TENM1: variants seen among roughly 807,000 people sequenced by gnomAD.
TENM1 encodes the protein teneurin transmembrane protein 1.
TENM1 carries 35 observed loss-of-function variants against 174.8 expected under a neutral mutation model. That is an observed-to-expected ratio of 0.20 (90% CI 0.15 to 0.27). The LOEUF (loss-of-function observed/expected upper bound fraction) is 0.27, where lower values mean the gene tolerates loss of function less well. Ranked by LOEUF, TENM1 falls within the 10% of genes least tolerant of loss-of-function variation. The pLI is 1.00. For missense variants in TENM1, 1,633 were observed against 2,130.1 expected (o/e 0.77, Z 4.59); for synonymous variants, 781 against 798.7 (o/e 0.98, Z 0.37).
the TENM1 span, among the ~76,000 whole-genome samples, chrX:125,038,031 C>G: frequency 9.0e-6 from 1 of 111,528 alleles, no homozygotes; most frequent in East Asian, 2.8e-4. Flanking sequence ...AGTAAAATAA[C>G]AGAGCCTCAC....
At chrX:124,439,920 T>C (rs919140255) in intron 23 of TENM1, among the ~76,000 whole-genome samples, 1 of 111,779 alleles carries the variant, frequency 8.9e-6, no homozygotes, top group Non-Finnish European at 1.9e-5. Flanking sequence ...ATCACCCCCA[T>C]TTACAGATAC....
the TENM1 span, among the ~76,000 whole-genome samples, chrX:125,145,595 T>C: frequency 8.9e-6 from 1 of 112,493 alleles, no homozygotes; most frequent in Admixed American, 9.5e-5. Context: ...ATCTCATTTG[T>C]CTTTATTAAC....
intron 15 of TENM1, among the ~76,000 whole-genome samples, chrX:124,538,025 G>T (rs971679285): frequency 6.3e-5 from 7 of 111,594 alleles, no homozygotes; most frequent in African/African-American, 2.3e-4. Context: ...ATTCTTCTTT[G>T]CCCAAGAGCA....
At chrX:124,550,916 G>C (rs1426602105) in intron 14 of TENM1, among the ~76,000 whole-genome samples, 2 of 111,257 alleles carry the variant, frequency 1.8e-5, no homozygotes, top group Non-Finnish European at 3.8e-5. Flanking sequence ...CTGCCACCAT[G>C]CCCAGCTAAC....
intron 20 of TENM1, among the ~76,000 whole-genome samples, chrX:124,495,528 T>C (rs1179847646): frequency 3.1e-4 from 34 of 110,107 alleles, no homozygotes; most frequent in African/African-American, 1.1e-3. Flanking sequence ...TTAGATCCCA[T>C]TTGTCAATTT....
At chrX:124,592,755 TG>T (rs2049788669) in intron 11 of TENM1, among the ~76,000 whole-genome samples, 1 of 93,994 alleles carries the variant, frequency 1.1e-5, no homozygotes, top group Admixed American at 1.1e-4. Flanking sequence ...CAGGCCTTAC[TG>T]TTTTTTTTTT....
chrX:124,934,621 C>T (rs752836953), intron 1 of TENM1, among the ~76,000 whole-genome samples: 38 of 111,724 alleles, frequency 3.4e-4, no homozygotes, highest in African/African-American at 1.1e-3. Context: ...TTAGAAACAA[C>T]GGTGGCAGAA....
chrX:124,937,932 C>T (rs1176676498), intron 1 of TENM1, among the ~76,000 whole-genome samples: 5 of 111,716 alleles, frequency 4.5e-5, no homozygotes, highest in Non-Finnish European at 9.4e-5. Flanking sequence ...TTAATCTTGA[C>T]ATCATATTGC....
intron 11 of TENM1, among the ~76,000 whole-genome samples, chrX:124,574,685 A>G (rs113048228): frequency 3.4e-4 from 37 of 109,037 alleles, no homozygotes; most frequent in African/African-American, 1.1e-3. Context: ...AACTATGAGG[A>G]TTTTTCTCAT....
the TENM1 span, among the ~76,000 whole-genome samples, chrX:125,025,328 G>A: frequency 9.0e-6 from 1 of 111,406 alleles, no homozygotes; most frequent in Non-Finnish European, 1.9e-5. Context: ...CCTCTTCACA[G>A]AGAAGTACAT....
intron 11 of TENM1, among the ~76,000 whole-genome samples, chrX:124,606,412 C>A (rs961793625): frequency 2.7e-5 from 3 of 111,165 alleles, no homozygotes; most frequent in African/African-American, 9.8e-5. Context: ...CCATTTAGGA[C>A]ACAGGACTGG....
intron 19 of TENM1, among the ~76,000 whole-genome samples, chrX:124,499,474 G>T (rs1044514633): frequency 1.8e-5 from 2 of 111,698 alleles, no homozygotes; most frequent in Admixed American, 9.5e-5. Flanking sequence ...CACATGATTT[G>T]CAGGAGCAGC....
the TENM1 span, among the ~76,000 whole-genome samples, chrX:125,013,467 T>C: frequency 9.0e-6 from 1 of 111,527 alleles, no homozygotes; most frequent in African/African-American, 3.3e-5. Flanking sequence ...ATGTATAATT[T>C]ATATTATAGT....
At chrX:124,384,646 A>G (rs1462341830) in exon 30 of TENM1, 1 of 1,210,155 alleles carries the variant, frequency 8.3e-7, no homozygotes, top group Non-Finnish European at 1.1e-6. Context: ...TTATGACCTG[A>G]TTTAAATCGT....
chrX:125,199,574 A>G, the TENM1 span, among the ~76,000 whole-genome samples: 2 of 111,687 alleles, frequency 1.8e-5, no homozygotes, highest in Admixed American at 9.5e-5. Context: ...GTTTCACCAT[A>G]TGCTATTGTT....
chrX:124,421,881 C>G (rs1262310008), intron 24 of TENM1, among the ~76,000 whole-genome samples: 1 of 111,569 alleles, frequency 9.0e-6, no homozygotes, highest in African/African-American at 3.3e-5. Context: ...TGGGTTTTAC[C>G]TAGTTTTCCT....
At chrX:124,389,472 C>T (rs1395028659) in intron 28 of TENM1, among the ~76,000 whole-genome samples, 1 of 112,412 alleles carries the variant, frequency 8.9e-6, no homozygotes. Flanking sequence ...AATGAGAGGA[C>T]TGGAAAGAAC....
At chrX:124,796,649 G>A (rs1253046255) in intron 3 of TENM1, among the ~76,000 whole-genome samples, 4 of 111,276 alleles carry the variant, frequency 3.6e-5, no homozygotes, top group Non-Finnish European at 7.5e-5. Flanking sequence ...GCTGGGAAGA[G>A]CTCATTATTA....
intron 4 of TENM1, among the ~76,000 whole-genome samples, chrX:124,716,422 A>C (rs2053183663): frequency 8.9e-6 from 1 of 111,749 alleles, no homozygotes; most frequent in Admixed American, 9.5e-5. Context: ...TGACCCCTAA[A>C]ACTTTCCACC....
Sources: gnomAD v4.1 joint callset for allele counts (sites outside exome capture counted in the v4.1 genomes callset) on GRCh38, gnomAD v4.1.1 for gene constraint, MANE v1.5 for transcripts, NCBI Gene and HGNC (gene_info 2026-07-23, HGNC 2026-07-21) for gene names.